Variants in SAMSN1 observed in about 807,000 individuals in gnomAD.
SAMSN1 encodes SAM domain, SH3 domain and nuclear localization signals 1.
SAMSN1 carries 31 observed loss-of-function variants against 42.0 expected under a neutral mutation model. The ratio of observed to expected loss-of-function variants is 0.74; its 90% CI spans 0.55 to 1.00. The LOEUF (loss-of-function observed/expected upper bound fraction) is 1.00, where lower values mean the gene tolerates loss of function less well. Ranked by LOEUF, SAMSN1 falls within the 50% of genes least tolerant of loss-of-function variation. The probability of loss-of-function intolerance (pLI) is 0.00; values close to 1 mark genes in which losing one functional copy is unlikely to be tolerated. For missense variants in SAMSN1, 464 were observed against 439.4 expected (o/e 1.06, Z -0.50); for synonymous variants, 178 against 151.9 (o/e 1.17, Z -1.26).
At chr21:14,640,924 T>G (rs1270317331) in intron 2 of SAMSN1, among the ~76,000 whole-genome samples, 1 of 152,168 alleles carries the variant, frequency 6.6e-6, no homozygotes, top group African/African-American at 2.4e-5. Context: ...CATTCTCGTC[T>G]TCTTTTGCAA....
At chr21:14,494,467 A>G in intron 7 of SAMSN1, among the ~76,000 whole-genome samples, 1 of 152,132 alleles carries the variant, frequency 6.6e-6, no homozygotes, top group Non-Finnish European at 1.5e-5. Flanking sequence ...GGAACAGAAA[A>G]CCAAACACAT....
At chr21:14,582,576 A>T in intron 1 of SAMSN1, 1 of 565,684 alleles carries the variant, frequency 1.8e-6, no homozygotes, top group Non-Finnish European at 3.2e-6. Flanking sequence ...AGAAATAAAT[A>T]CACTGCAATG....
At chr21:14,495,416 G>A (rs116507193) in intron 7 of SAMSN1, among the ~76,000 whole-genome samples, 1,618 of 152,248 alleles carry the variant, frequency 0.011, 29 homozygotes, top group African/African-American at 0.037. Context: ...ATAGCTTTCA[G>A]TCAGAATAGC....
intron 7 of SAMSN1, chr21:14,495,708 C>T (rs1374894856): frequency 6.6e-6 from 1 of 152,084 alleles, no homozygotes; most frequent in Non-Finnish European, 1.5e-5. Flanking sequence ...TATCAAACAT[C>T]AAAAACCATT....
intron 3 of SAMSN1, among the ~76,000 whole-genome samples, chr21:14,613,377 C>T (rs906783925): frequency 6.6e-6 from 1 of 152,108 alleles, no homozygotes; most frequent in Non-Finnish European, 1.5e-5. Context: ...CCAGTGGATC[C>T]ATGTGATACC....
chr21:14,590,252 G>T (rs1167482289), intron 7 of SAMSN1, among the ~76,000 whole-genome samples: 1 of 118,006 alleles, frequency 8.5e-6, no homozygotes, highest in Non-Finnish European at 1.7e-5. Flanking sequence ...TTTGTAATTA[G>T]CATAATTGGG....
intron 1 of SAMSN1, among the ~76,000 whole-genome samples, chr21:14,544,936 A>G (rs1299054714): frequency 1.3e-5 from 2 of 152,142 alleles, no homozygotes; most frequent in Non-Finnish European, 2.9e-5. Context: ...TACTTAATCA[A>G]GTAAATATCA....
chr21:14,628,113 T>C (rs1166226198), intron 2 of SAMSN1, among the ~76,000 whole-genome samples: 1 of 152,102 alleles, frequency 6.6e-6, no homozygotes, highest in Non-Finnish European at 1.5e-5. Flanking sequence ...AAGACAAATA[T>C]ACACGATGAA....
At chr21:14,506,357 G>A (rs1046670314) in intron 5 of SAMSN1, among the ~76,000 whole-genome samples, 11 of 136,364 alleles carry the variant, frequency 8.1e-5, no homozygotes, top group South Asian at 4.2e-4. Flanking sequence ...GAAATGAAAC[G>A]GGGTATTACA....
intron 6 of SAMSN1, among the ~76,000 whole-genome samples, chr21:14,594,916 T>C (rs75640575): frequency 6.6e-6 from 1 of 152,134 alleles, no homozygotes; most frequent in Non-Finnish European, 1.5e-5. Flanking sequence ...CTACAGGCTG[T>C]ACAAGAAACA....
At chr21:14,486,865 T>C (rs1986455654) in intron 7 of SAMSN1, among the ~76,000 whole-genome samples, 1 of 152,192 alleles carries the variant, frequency 6.6e-6, no homozygotes, top group South Asian at 2.1e-4. Flanking sequence ...TCAACAGGCA[T>C]TATCTTTTAG....
chr21:14,574,735 G>T (rs1421050840), intron 2 of SAMSN1, among the ~76,000 whole-genome samples: 2 of 151,806 alleles, frequency 1.3e-5, no homozygotes, highest in Admixed American at 6.6e-5. Context: ...TATTTTTATT[G>T]TAAAATGTTT....
At chr21:14,501,036 C>A (rs527628638) in intron 5 of SAMSN1, among the ~76,000 whole-genome samples, 1 of 151,562 alleles carries the variant, frequency 6.6e-6, no homozygotes, top group African/African-American at 2.4e-5. Context: ...ATTAGCCTGG[C>A]GTGGTAGCAT....
intron 3 of SAMSN1, chr21:14,615,887 AAGT>A: frequency 2.9e-6 from 1 of 342,450 alleles, no homozygotes; most frequent in Non-Finnish European, 5.6e-6. Context: ...AAAAAAAAAA[AAGT>A]ACTTTGGCAC....
chr21:14,656,722 T>G (rs985119832), intron 1 of SAMSN1, among the ~76,000 whole-genome samples: 10 of 152,004 alleles, frequency 6.6e-5, no homozygotes, highest in African/African-American at 2.4e-4. Context: ...GAATGGGTAG[T>G]TCATTAAGTT....
intron 2 of SAMSN1, 61 bp from the exon 3 acceptor site, chr21:14,517,102 A>G (rs1031774125): frequency 4.1e-6 from 6 of 1,454,952 alleles, no homozygotes; most frequent in Admixed American, 4.2e-5. Flanking sequence ...TTGATCTGAA[A>G]TCACTGTTAC....
chr21:14,496,392 C>T (rs1600860282), intron 7 of SAMSN1: 1 of 152,110 alleles, frequency 6.6e-6, no homozygotes, highest in East Asian at 1.9e-4. Flanking sequence ...GGGCAAAATA[C>T]CTAGATGTGT....
At chr21:14,613,820 A>G (rs1363159146) in intron 3 of SAMSN1, among the ~76,000 whole-genome samples, 7 of 152,032 alleles carry the variant, frequency 4.6e-5, no homozygotes, top group Non-Finnish European at 8.8e-5. Context: ...ATAAATATAC[A>G]TATTTGAACC....
At chr21:14,558,926 C>G (rs996762755) in intron 2 of SAMSN1, among the ~76,000 whole-genome samples, 1 of 152,146 alleles carries the variant, frequency 6.6e-6, no homozygotes, top group Non-Finnish European at 1.5e-5. Flanking sequence ...TCCTTTTCTA[C>G]CGACTCAGCT....
Sources: allele counts gnomAD v4.1 joint callset (sites outside exome capture counted in the v4.1 genomes callset), GRCh38; gene constraint gnomAD v4.1.1; transcripts MANE v1.5; gene names NCBI Gene and HGNC (gene_info 2026-07-23, HGNC 2026-07-21).